CABP2: variants seen among roughly 807,000 people sequenced by gnomAD.
CABP2 encodes calcium binding protein 2.
Under a neutral mutation model 28.6 loss-of-function variants are expected in CABP2, and 25 were observed. The observed-to-expected ratio is 0.87, with a 90% CI of 0.64 to 1.22. The LOEUF (loss-of-function observed/expected upper bound fraction) is 1.22. Ranked by LOEUF, CABP2 falls within the 50% of genes most tolerant of loss-of-function variation. The pLI, the probability that CABP2 is intolerant of heterozygous loss-of-function variation, is 0.00. For synonymous variants in CABP2, 138 were observed against 126.0 expected, an observed-to-expected ratio of 1.09 and a Z score of -0.64; for missense variants, 310 against 312.2, an observed-to-expected ratio of 0.99 and a Z score of 0.05.
chr11:67,522,761 C>T, intron 1 of CABP2, 45 bp from the exon 2 acceptor site: 1 of 1,438,166 alleles, frequency 7.0e-7, no homozygotes, highest in Non-Finnish European at 9.1e-7. Context: ...CCGCTGAGCT[C>T]TGGGCCTGAT....
rs1371805580 is a variant in CABP2, at chr11:67,522,603, G to A, written c.156C>T (p.Asn52=). ...AGATGCAGGCAGGCCCCACCAGGCTGTTGAGCACCGAGTAGCCCTGGACGC... is the reference window on the plus strand; with the variant it reads ...AGATGCAGGCAGGCCCCACCAGGCTATTGAGCACCGAGTAGCCCTGGACGC... ...APGVQGYSVL[N]SLVGPACIFL... Residue 52 remains asparagine, a synonymous_variant, in exon 2 of 7, where the codon AAC becomes AAT. Coordinates refer to ENST00000294288, the MANE Select transcript of CABP2 (RefSeq NM_016366.3). 6.4e-7 allele frequency: 1 copy of A among 1,551,686 alleles called. No homozygotes were observed. The highest frequency in any genetic ancestry group is 2.4e-5 in the East Asian group (1 of 40,982).
intron 1 of CABP2, 27 bp downstream of exon 1, chr11:67,523,258 C>G (rs1484326167): frequency 1.3e-6 from 2 of 1,528,210 alleles, no homozygotes; most frequent in Admixed American, 3.9e-5. Flanking sequence ...GCCTCCTGGC[C>G]TGGGTTTCTC....
rs939638760 is a variant in CABP2 at position 67,523,365 on chromosome 11, G to T, written c.-39C>A. The T allele has an allele frequency of 6.5e-7, 1 of 1,531,048 alleles. No homozygotes were observed. The highest frequency in any genetic ancestry group is 2.1e-5 in the Admixed American group (1 of 48,770). 94.8% of individuals were successfully genotyped at this position (1,531,048 alleles called of 1,614,324 possible). A position where few individuals can be genotyped will look rare whatever the true frequency, so the allele number is the denominator to read the frequency against. The stretch of plus-strand genomic sequence containing the variant: ...TGCCAGGCCTGGAACCCCGGGGGTG[G>T]CCCGGGTGGGCCTCGGCGGATGCTG... On this transcript the variant is annotated 5_prime_UTR_variant, in exon 1 of 7. Transcript: ENST00000294288.
chr11:67,520,007 G>A (rs772297513), intron 5 of CABP2, 44 bp downstream of exon 5: 1 of 1,600,418 alleles, frequency 6.2e-7, no homozygotes, highest in African/African-American at 1.3e-5. Flanking sequence ...CCTCACTCAC[G>A]GCAGACACGC....
intron 2 of CABP2, 21 bp downstream of exon 2, chr11:67,522,525 C>T (rs766011462): frequency 1.4e-5 from 21 of 1,552,412 alleles, no homozygotes; most frequent in African/African-American, 5.5e-5. Context: ...GGCAGGCTGG[C>T]GGGCGGGTGG....
intron 1 of CABP2, 126 bp from the exon 2 acceptor site, chr11:67,522,842 G>A (rs1177366301): frequency 1.2e-6 from 1 of 843,892 alleles, no homozygotes; most frequent in Non-Finnish European, 1.8e-6. Flanking sequence ...GGAAGGGGCT[G>A]GGGGGTAGAG....
In CABP2 at chr11:67,519,134, C is replaced by T; in HGVS notation, c.*5G>A. ...CTTTATGCTGCCTCCAGCTTCTGTACAGGCTCACCGAGACATCATTCGCAC... is the reference window on the plus strand; with the variant it reads ...CTTTATGCTGCCTCCAGCTTCTGTATAGGCTCACCGAGACATCATTCGCAC... On this transcript the variant is annotated 3_prime_UTR_variant, in exon 7 of 7. Coordinates refer to ENST00000294288, the MANE Select transcript of CABP2 (RefSeq NM_016366.3). The T allele has an allele frequency of 6.2e-7, 1 of 1,613,934 alleles. No homozygotes were observed. The highest frequency in any genetic ancestry group is 1.1e-5 in the South Asian group (1 of 91,068).
At chr11:67,521,878 A>G in intron 3 of CABP2, 74 bp downstream of exon 3, 5 of 139,656 alleles carry the variant, frequency 3.6e-5, no homozygotes, top group East Asian at 1.3e-4. Flanking sequence ...ATGCCCCCCC[A>G]ACCCTGTGTC....
Position 67,522,753 on chromosome 11 carries a change from G to A in CABP2, c.43-37C>T, listed in dbSNP as rs530370727. The A allele has an allele frequency of 1.6e-5, 23 of 1,447,782 alleles. No homozygotes were observed. The East Asian group carries it at 2.8e-4, about 17-fold the overall frequency. The allele number at this position is 1,447,782 out of a possible 1,614,324, so 89.7% of individuals were successfully genotyped here. A position where few individuals can be genotyped will look rare whatever the true frequency, so the allele number is the denominator to read the frequency against. ...CCGGCCGTGAGCTGGGGCAGTGGCC[G>A]CTGAGCTCTGGGCCTGATAGCCCTC... On this transcript the variant is annotated intron_variant, in intron 1 of 6. Coordinates refer to ENST00000294288, the MANE Select transcript of CABP2 (RefSeq NM_016366.3).
At chr11:67,522,501 G>A in intron 2 of CABP2, 45 bp downstream of exon 2, 1 of 1,549,404 alleles carries the variant, frequency 6.5e-7, no homozygotes, top group Non-Finnish European at 8.7e-7. Flanking sequence ...GCTGGTGGGA[G>A]AGGGGCAAGG....
chr11:67,523,428 A>G lies in CABP2; in HGVS notation c.-102T>C, dbSNP rs1866783089. 5.1e-6 allele frequency: 6 copies of G among 1,178,078 alleles called. No individual in the cohort carries two copies. Among genetic ancestry groups the G allele is most frequent in the African/African-American group, 1.7e-5 (1 of 59,000 alleles). The allele number at this position is 1,178,078 out of a possible 1,614,324, so 73.0% of individuals were successfully genotyped here. On this transcript the variant is annotated 5_prime_UTR_variant, in exon 1 of 7. Transcript: ENST00000294288. Reference sequence around the variant, plus strand: ...TCCTGCCAGCCCCCAGCTGCTCCCGATGAGAGCCTGGGAGTACTGCCGGGG... The same window carrying G: ...TCCTGCCAGCCCCCAGCTGCTCCCGGTGAGAGCCTGGGAGTACTGCCGGGG...
chr11:67,519,943 G>A lies in CABP2; in HGVS notation c.490-3C>T. The A allele has an allele frequency of 6.2e-7, 1 of 1,604,848 alleles. No individual in the cohort carries two copies. The highest frequency in any genetic ancestry group is 8.5e-7 in the Non-Finnish European group (1 of 1,177,242). On this transcript the variant is annotated splice_polypyrimidine_tract_variant and splice_region_variant and intron_variant, in intron 5 of 6. Transcript: ENST00000294288. ...CGGCCGTCCCCATTGGTGTCGAACT[G>A]TGGCGGCGTTGGTTGTGGCGTCTGG...
rs376870877 is a variant in CABP2, at chr11:67,521,047, G to T, written c.357C>A (p.Leu119=). 6.2e-7 allele frequency: 1 copy of T among 1,614,024 alleles called. No individual in the cohort carries two copies. The highest frequency in any genetic ancestry group is 1.7e-4 in the Middle Eastern group (1 of 6,060). ...TACTGATTTGTTGTGAGATCTCGAT[G>T]AGCTCCATCTCGGTGGGCATGTAGC... is the stretch of plus-strand genomic sequence containing the variant. ...TLGYMPTEME[L]IEISQQISGG... is the part of the protein sequence containing the mutation. Residue 119 remains leucine, a synonymous_variant, in exon 4 of 7, where the codon CTC becomes CTA. Coordinates refer to ENST00000294288, the MANE Select transcript of CABP2 (RefSeq NM_016366.3).
At position 67,521,877 on chromosome 11, in the gene CABP2, C is replaced by T. The variant is rs1866751933; in HGVS notation, c.244+75G>A. The T allele has an allele frequency of 9.7e-5, 68 of 700,620 alleles. No individual in the cohort carries two copies. The South Asian group carries it at 1.0e-3, about 11-fold the overall frequency. 43.4% of individuals were successfully genotyped at this position (700,620 alleles called of 1,614,324 possible). ...CTGAGGCCCCCACCCGATGCCCCCCCAACCCTGTGTCCCCACCCCATGCCC... is the reference window on the plus strand; with the variant it reads ...CTGAGGCCCCCACCCGATGCCCCCCTAACCCTGTGTCCCCACCCCATGCCC... On this transcript the variant is annotated intron_variant, in intron 3 of 6. Coordinates refer to ENST00000294288, the MANE Select transcript of CABP2 (RefSeq NM_016366.3).
At position 67,519,067 on chromosome 11, in the gene CABP2, T is replaced by C; in HGVS notation, c.*72A>G. On this transcript the variant is annotated 3_prime_UTR_variant, in exon 7 of 7. Transcript: ENST00000294288. ...GGGTCCCCGCTAGAGGCGATGGGCT[T>C]CAAGGAACATGCTGGTGGGCAGAGG... The C allele has an allele frequency of 6.4e-7, 1 of 1,557,498 alleles. No homozygotes were observed. The highest frequency in any genetic ancestry group is 8.9e-7 in the Non-Finnish European group (1 of 1,128,992).
At chr11:67,519,278 G>T in intron 6 of CABP2, 114 bp from the exon 7 acceptor site, 1 of 994,054 alleles carries the variant, frequency 1.0e-6, no homozygotes, top group Non-Finnish European at 1.6e-6. Context: ...GTCTTCAAGG[G>T]CATCCTCTGG....
intron 3 of CABP2, 82 bp downstream of exon 3, chr11:67,521,870 G>GGGGC: frequency 2.1e-6 from 1 of 470,122 alleles, no homozygotes; most frequent in East Asian, 3.7e-5. Flanking sequence ...CCCACCCGAT[G>GGGGC]CCCCCCCAAC....
intron 1 of CABP2, 88 bp from the exon 2 acceptor site, chr11:67,522,804 G>A: frequency 8.1e-7 from 1 of 1,235,318 alleles, no homozygotes; most frequent in Non-Finnish European, 1.1e-6. Flanking sequence ...AGCTGCTCCT[G>A]TCTTTGGAGC....
At chr11:67,519,982 T>C (rs781344128) in intron 5 of CABP2, 42 bp from the exon 6 acceptor site, 3 of 1,597,900 alleles carry the variant, frequency 1.9e-6, no homozygotes, top group Non-Finnish European at 2.6e-6. Context: ...CTGACAGTCA[T>C]TCACACGCGC....
Sources: allele counts gnomAD v4.1 joint callset, GRCh38; gene constraint gnomAD v4.1.1; transcripts MANE v1.5; gene names NCBI Gene and HGNC (gene_info 2026-07-23, HGNC 2026-07-21).